RBFOX2: variants seen among roughly 807,000 people sequenced by gnomAD.
RBFOX2 encodes the protein RNA binding fox-1 homolog 2.
In RBFOX2, 10 loss-of-function variants were observed where a neutral mutation model predicts 49.1. The observed-to-expected ratio is 0.20, with a 90% CI of 0.13 to 0.35. The LOEUF (loss-of-function observed/expected upper bound fraction) is 0.35. Among genes scored for constraint, RBFOX2 ranks in the 10% least tolerant of loss-of-function variants. The probability of loss-of-function intolerance (pLI) is 1.00; values close to 1 mark genes in which losing one functional copy is unlikely to be tolerated. For synonymous variants in RBFOX2, 183 were observed against 187.4 expected, an observed-to-expected ratio of 0.98 and a Z score of 0.19; for missense variants, 323 against 486.9, an observed-to-expected ratio of 0.66 and a Z score of 3.17.
chr22:35,944,004 T>C (rs922748100), intron 1 of RBFOX2, among the ~76,000 whole-genome samples: 1 of 152,244 alleles, frequency 6.6e-6, no homozygotes, highest in Non-Finnish European at 1.5e-5. Context: ...TATTCTTCTT[T>C]GGCTGCTTAG....
chr22:35,933,458 A>C (rs2052657127), intron 1 of RBFOX2, among the ~76,000 whole-genome samples: 1 of 152,240 alleles, frequency 6.6e-6, no homozygotes, highest in Non-Finnish European at 1.5e-5. Flanking sequence ...TTCAACACTT[A>C]GTTTTGCAAG....
chr22:36,001,935 G>A (rs983340424), intron 1 of RBFOX2, among the ~76,000 whole-genome samples: 2 of 151,118 alleles, frequency 1.3e-5, no homozygotes, highest in Admixed American at 1.3e-4. Flanking sequence ...GTGGTGGCAG[G>A]CGCCTATAAT....
At chr22:35,809,746 C>T in intron 2 of RBFOX2, 34 bp downstream of exon 3, 4 of 1,590,680 alleles carry the variant, frequency 2.5e-6, no homozygotes, top group Non-Finnish European at 3.4e-6. Flanking sequence ...GATTGCCATG[C>T]ATCCTTCCAT....
chr22:35,854,338 A>T (rs2042277872), intron 1 of RBFOX2, among the ~76,000 whole-genome samples: 2 of 152,070 alleles, frequency 1.3e-5, no homozygotes, highest in South Asian at 4.2e-4. Flanking sequence ...TAATCCCAGC[A>T]CTCTGGGAAG....
intron 9 of RBFOX2, among the ~76,000 whole-genome samples, chr22:35,754,871 T>C (rs371793626): frequency 3.3e-5 from 5 of 152,132 alleles, no homozygotes; most frequent in South Asian, 2.1e-4. Flanking sequence ...AGTTAGGAGG[T>C]TGGACCAAAT....
intron 1 of RBFOX2, among the ~76,000 whole-genome samples, chr22:35,817,744 G>A (rs1165808161): frequency 3.3e-5 from 5 of 152,080 alleles, no homozygotes; most frequent in Admixed American, 6.6e-5. Context: ...GTAAGGGGGC[G>A]TTGGAATTCA....
chr22:36,010,437 C>G (rs950614704), intron 1 of RBFOX2, among the ~76,000 whole-genome samples: 2 of 151,996 alleles, frequency 1.3e-5, no homozygotes, highest in Non-Finnish European at 2.9e-5. Flanking sequence ...TACTGCAGAG[C>G]CTTGGGACCA....
chr22:35,815,097 G>A (rs1416254337), intron 1 of RBFOX2, among the ~76,000 whole-genome samples: 1 of 152,112 alleles, frequency 6.6e-6, no homozygotes, highest in African/African-American at 2.4e-5. Context: ...ATCACCTACC[G>A]ACAGGTGACT....
At chr22:35,761,287 G>C in exon 8 of RBFOX2, 1 of 1,614,158 alleles carries the variant, frequency 6.2e-7, no homozygotes, top group Admixed American at 1.7e-5. Context: ...CTGCTTGAAA[G>C]CTGGATGCTG....
chr22:36,016,420 C>G (rs764280137), intron 1 of RBFOX2, among the ~76,000 whole-genome samples: 1 of 152,092 alleles, frequency 6.6e-6, no homozygotes, highest in African/African-American at 2.4e-5. Context: ...CATGATAAAT[C>G]ATGCTTTGCT....
intron 1 of RBFOX2, among the ~76,000 whole-genome samples, chr22:35,956,205 T>C (rs895063087): frequency 9.2e-5 from 14 of 152,198 alleles, no homozygotes; most frequent in African/African-American, 3.4e-4. Context: ...TTCACTAATA[T>C]CACCACCAAT....
Position 36,010,576 on chromosome 22 carries a change from C to T in RBFOX2, c.186+17664G>A, listed in dbSNP as rs565433236. 1.5e-4 allele frequency among the ~76,000 whole-genome samples: 23 copies of T among 152,056 alleles called. No homozygotes were observed. In the East Asian group the frequency reaches 1.5e-3, roughly 10 times the overall value. On this transcript the variant is annotated intron_variant, in intron 1 of 13. Transcript: ENST00000438146. ...TACTACCTCTTCTATAATATTCTCA[C>T]GGAGAAAAAGGGCTATTGCAAAAGC... is the stretch of plus-strand genomic sequence containing the variant.
intron 2 of RBFOX2, among the ~76,000 whole-genome samples, chr22:35,790,293 A>G (rs557334700): frequency 1.3e-5 from 2 of 152,370 alleles, no homozygotes; most frequent in East Asian, 3.9e-4. Flanking sequence ...GGCCTACGTT[A>G]TAGTCATTCT....
chr22:35,896,648 C>T (rs1419592970), intron 1 of RBFOX2, among the ~76,000 whole-genome samples: 1 of 152,200 alleles, frequency 6.6e-6, no homozygotes, highest in Non-Finnish European at 1.5e-5. Flanking sequence ...TTCTTTCACA[C>T]TGAACGCATG....
chr22:35,936,915 C>T (rs1046557751), intron 1 of RBFOX2, among the ~76,000 whole-genome samples: 3 of 152,278 alleles, frequency 2.0e-5, no homozygotes, highest in Admixed American at 1.3e-4. Flanking sequence ...CATCAATTAG[C>T]TTTACCTTCC....
chr22:35,894,636 G>GA (rs1392072176), intron 1 of RBFOX2, among the ~76,000 whole-genome samples: 4 of 151,564 alleles, frequency 2.6e-5, no homozygotes, highest in African/African-American at 4.8e-5. Flanking sequence ...ATAGGGGGAG[G>GA]AAAAAAAACA....
At chr22:35,941,807 T>C (rs879935613), upstream of RBFOX2, among the ~76,000 whole-genome samples, 1 of 152,182 alleles carries the variant, frequency 6.6e-6, no homozygotes, top group Non-Finnish European at 1.5e-5. Flanking sequence ...TCATAACAGG[T>C]TGCACAGAGA....
intron 1 of RBFOX2, among the ~76,000 whole-genome samples, chr22:35,878,641 A>G (rs2045473582): frequency 6.6e-6 from 1 of 152,150 alleles, no homozygotes; most frequent in Non-Finnish European, 1.5e-5. Flanking sequence ...GGGTACCACT[A>G]TGTTGCCCAT....
rs1349898825 is a variant in RBFOX2 at position 36,028,224 on chromosome 22, C to T, written c.186+16G>A. On this transcript the variant is annotated intron_variant, in intron 1 of 13. Coordinates refer to the RBFOX2 transcript ENST00000438146. ...CCACCCCCGCAATAACTGGGCGCCC[C>T]GTCCCGCGCGGTCACCTGCATCCCG... The T allele has an allele frequency of 1.0e-5, 15 of 1,491,488 alleles. No homozygotes were observed. Among genetic ancestry groups the T allele is most frequent in the Non-Finnish European group, 1.3e-5 (15 of 1,128,474 alleles). The allele number at this position is 1,491,488 out of a possible 1,614,324, so 92.4% of individuals were successfully genotyped here.
Sources: gnomAD v4.1 joint callset for allele counts (sites outside exome capture counted in the v4.1 genomes callset) on GRCh38, gnomAD v4.1.1 for gene constraint, MANE v1.5 for transcripts, NCBI Gene and HGNC (gene_info 2026-07-23, HGNC 2026-07-21) for gene names.